Variants in GLB1 observed in about 807,000 individuals in gnomAD.
GLB1 encodes beta-galactosidase.
Under a neutral mutation model 74.0 loss-of-function variants are expected in GLB1, and 56 were observed. The ratio of observed to expected loss-of-function variants is 0.76; its 90% CI spans 0.61 to 0.94. GLB1 has a LOEUF of 0.94. GLB1 is among the 40% of genes least tolerant of loss of function. GLB1 has a pLI of 0.00. For missense variants in GLB1, 787 were observed against 845.5 expected (o/e 0.93, Z 0.86); for synonymous variants, 323 against 323.6 (o/e 1.00, Z 0.02).
the GLB1 span, among the ~76,000 whole-genome samples, chr3:32,966,609 T>C: frequency 6.6e-6 from 1 of 152,130 alleles, no homozygotes; most frequent in Non-Finnish European, 1.5e-5. Flanking sequence ...TGAAAAGGCA[T>C]GATTGGCTTT....
intron 9 of GLB1, among the ~76,000 whole-genome samples, chr3:33,048,314 A>G (rs941801269): frequency 1.3e-5 from 2 of 152,188 alleles, no homozygotes; most frequent in African/African-American, 4.8e-5. Flanking sequence ...GTGTTTTTAG[A>G]CCACCAAAGG....
intron 5 of GLB1, among the ~76,000 whole-genome samples, chr3:33,065,252 C>G (rs1157962645): frequency 6.6e-6 from 1 of 152,210 alleles, no homozygotes; most frequent in Non-Finnish European, 1.5e-5. Flanking sequence ...ATAGCATTTA[C>G]AAGGCACCCA....
intron 6 of GLB1, 46 bp downstream of exon 6, chr3:33,058,042 TA>T: frequency 6.2e-7 from 1 of 1,610,902 alleles, no homozygotes; most frequent in South Asian, 1.1e-5. Flanking sequence ...ACTGACTGAG[TA>T]AAAAGCTGAT....
chr3:33,092,218 G>T, intron 1 of GLB1: 2 of 985,656 alleles, frequency 2.0e-6, no homozygotes, highest in Non-Finnish European at 2.4e-6. Flanking sequence ...ATCCCTCAAG[G>T]CCTGGAACAG....
rs150540661 is a variant in GLB1, at chr3:33,040,143, C to A, written c.1068+5977G>T. On this transcript the variant is annotated intron_variant, in intron 10 of 15. Transcript: ENST00000307363. ...TACTAGGTTTAGGGGTACTTTGTTACATGGCAATAGGTAGGGAGAAAATAA... is the reference window on the plus strand; with the variant it reads ...TACTAGGTTTAGGGGTACTTTGTTAAATGGCAATAGGTAGGGAGAAAATAA... Among the ~76,000 whole-genome samples the A allele has an allele frequency of 3.2e-3, 480 of 152,266 alleles. 2 individuals carry two copies. Among genetic ancestry groups the A allele is most frequent in the Non-Finnish European group, 1.7e-3 (118 of 68,014 alleles).
intron 1 of GLB1, among the ~76,000 whole-genome samples, chr3:33,094,529 C>T (rs1364810640): frequency 6.6e-6 from 1 of 152,242 alleles, no homozygotes. Flanking sequence ...TAAAGTTTCT[C>T]TACAGTAAGC....
chr3:32,979,706 GCTGGGCATGGTGGCATGTGCCTGTTGTCC>G, the GLB1 span, among the ~76,000 whole-genome samples: 2 of 151,742 alleles, frequency 1.3e-5, no homozygotes, highest in African/African-American at 4.8e-5. Flanking sequence ...TAAAAAATTA[GCTGGGCATGGTGGCATGTGCCTGTTGTCC>G]CTGCTACTTA....
At chr3:32,975,105 G>A in the GLB1 span, among the ~76,000 whole-genome samples, 4 of 151,878 alleles carry the variant, frequency 2.6e-5, no homozygotes, top group South Asian at 2.1e-4. Context: ...TTTTTGAGAC[G>A]GGGTCTCACT....
At chr3:33,025,442 G>A (rs1697700396) in intron 10 of GLB1, among the ~76,000 whole-genome samples, 1 of 152,192 alleles carries the variant, frequency 6.6e-6, no homozygotes, top group South Asian at 2.1e-4. Context: ...AGAAATGTCT[G>A]TAGCCATCCG....
In GLB1 at chr3:33,014,253, G is replaced by A. The variant is rs1459678748; in HGVS notation, c.1537C>T (p.Pro513Ser). Residue 513 changes from proline (P) to serine (S), a missense_variant, in exon 15 of 16, where the codon CCA (proline) becomes TCA (serine). Coordinates refer to ENST00000307363, the MANE Select transcript of GLB1 (RefSeq NM_000404.4). Reference sequence around the variant, plus strand: ...CACACTGCATCCTCAGTGTCCAGTGGAAAGATCGTCCAGTCCGTGAGGATA... The same window carrying A: ...CACACTGCATCCTCAGTGTCCAGTGAAAAGATCGTCCAGTCCGTGAGGATA... ...SNILTDWTIF[P>S]LDTEDAVCSH... The A allele has an allele frequency of 2.5e-6, 4 of 1,614,048 alleles. No individual in the cohort carries two copies. The highest frequency in any genetic ancestry group is 2.5e-6 in the Non-Finnish European group (3 of 1,180,040).
intron 15 of GLB1, among the ~76,000 whole-genome samples, chr3:33,003,424 A>AG (rs1182034262): frequency 6.6e-6 from 1 of 152,234 alleles, no homozygotes; most frequent in African/African-American, 2.4e-5. Context: ...TAAAAATTGA[A>AG]GAAGACCTTC....
the GLB1 span, among the ~76,000 whole-genome samples, chr3:32,977,851 T>C: frequency 2.0e-5 from 3 of 152,212 alleles, no homozygotes; most frequent in Non-Finnish European, 1.5e-5. Flanking sequence ...GAGAGTTTAC[T>C]ATCTGTTCTA....
chr3:33,082,352 C>A (rs1575487479), intron 1 of GLB1, among the ~76,000 whole-genome samples: 1 of 152,306 alleles, frequency 6.6e-6, no homozygotes, highest in South Asian at 2.1e-4. Context: ...TGAGTAGGAG[C>A]CATCATGGAT....
rs1377859916 is a variant in GLB1 at position 33,021,682 on chromosome 3, C to A, written c.1144-27G>T. The A allele has an allele frequency of 2.5e-6, 4 of 1,607,000 alleles. No individual in the cohort carries two copies. In the South Asian group the frequency reaches 4.4e-5, roughly 18 times the overall value. On this transcript the variant is annotated intron_variant, in intron 11 of 15. Coordinates refer to ENST00000307363, the MANE Select transcript of GLB1 (RefSeq NM_000404.4). ...TGAAAAGAAACAAAAGCAGCATTCACACACTGCACCCCTCACTGGTCATCA... is the reference window on the plus strand; with the variant it reads ...TGAAAAGAAACAAAAGCAGCATTCAAACACTGCACCCCTCACTGGTCATCA...
At position 33,092,564 on chromosome 3, in the gene GLB1, T is replaced by C. The variant is rs578140443; in HGVS notation, c.75+4447A>G. 8.2e-5 allele frequency: 99 copies of C among 1,209,368 alleles called. 1 individual carries two copies. In the South Asian group the frequency reaches 2.9e-3, roughly 36 times the overall value. The allele number at this position is 1,209,368 out of a possible 1,614,324, so 74.9% of individuals were successfully genotyped here. ...AGGAGAAGGTCCCCATTCCACATCA[T>C]CTGGAAAATAGAGGGGAGTGCTAAT... On this transcript the variant is annotated intron_variant, in intron 1 of 15. Coordinates refer to ENST00000307363, the MANE Select transcript of GLB1 (RefSeq NM_000404.4).
At position 33,028,727 on chromosome 3, in the gene GLB1, A is replaced by G. The variant is rs1241162898; in HGVS notation, c.1069-4402T>C. Among the ~76,000 whole-genome samples the G allele has an allele frequency of 1.1e-4, 16 of 150,584 alleles. No individual in the cohort carries two copies. In the East Asian group the frequency reaches 2.9e-3, roughly 27 times the overall value. On this transcript the variant is annotated intron_variant, in intron 10 of 15. Coordinates refer to ENST00000307363, the MANE Select transcript of GLB1 (RefSeq NM_000404.4). ...GTTGCCCAGGCTGGAGTGCAATGGC[A>G]CAATCTCGGCTCACTGCAACCTCCA... is the stretch of plus-strand genomic sequence containing the variant.
intron 1 of GLB1, among the ~76,000 whole-genome samples, chr3:33,078,135 T>C (rs955467563): frequency 1.1e-4 from 16 of 152,156 alleles, no homozygotes; most frequent in Admixed American, 7.2e-4. Flanking sequence ...TCTTAGCTAC[T>C]CAGGAGGCTG....
At chr3:32,999,795 C>T (rs866274690) in intron 15 of GLB1, among the ~76,000 whole-genome samples, 5 of 152,136 alleles carry the variant, frequency 3.3e-5, no homozygotes, top group African/African-American at 1.2e-4. Context: ...GGAATACAGG[C>T]GTGCACCACC....
intron 11 of GLB1, 121 bp from the exon 12 acceptor site, chr3:33,021,776 A>C: frequency 9.0e-7 from 1 of 1,106,890 alleles, no homozygotes; most frequent in Non-Finnish European, 1.3e-6. Context: ...ATAAACCTAA[A>C]TCATTCAAAT....
Sources: allele counts gnomAD v4.1 joint callset (sites outside exome capture counted in the v4.1 genomes callset), GRCh38; gene constraint gnomAD v4.1.1; transcripts MANE v1.5; gene names NCBI Gene and HGNC (gene_info 2026-07-23, HGNC 2026-07-21).